SEC63: variants seen among roughly 807,000 people sequenced by gnomAD.
SEC63 encodes the protein translocation protein SEC63 homolog.
In SEC63, 56 loss-of-function variants were observed where a neutral mutation model predicts 116.2. The ratio of observed to expected loss-of-function variants is 0.48; its 90% confidence interval spans 0.39 to 0.60. The LOEUF (loss-of-function observed/expected upper bound fraction) is 0.60. SEC63 is among the 20% of genes least tolerant of loss of function. The probability of loss-of-function intolerance (pLI) is 0.00; values close to 1 mark genes in which losing one functional copy is unlikely to be tolerated. For synonymous variants in SEC63, 273 were observed against 294.6 expected (o/e 0.93, Z 0.75); for missense variants, 668 against 900.0 (o/e 0.74, Z 3.30).
intron 1 of SEC63, among the ~76,000 whole-genome samples, chr6:107,951,759 G>A (rs1013787101): frequency 3.3e-5 from 5 of 151,818 alleles, no homozygotes; most frequent in South Asian, 2.1e-4. Flanking sequence ...TGAGGCAGGC[G>A]GATCATGAGG....
At chr6:107,899,661 G>A (rs989380871) in intron 13 of SEC63, among the ~76,000 whole-genome samples, 1 of 151,862 alleles carries the variant, frequency 6.6e-6, no homozygotes, top group Non-Finnish European at 1.5e-5. Context: ...GGAGGTTGCA[G>A]TAAGCCCAGA....
intron 14 of SEC63, among the ~76,000 whole-genome samples, 158 bp downstream of exon 14, chr6:107,897,489 CTG>C (rs1026249063): frequency 1.3e-5 from 2 of 152,122 alleles, no homozygotes; most frequent in African/African-American, 4.8e-5. Flanking sequence ...TATGTGAAAA[CTG>C]TCTCATGAAA....
At chr6:107,902,550 A>G (rs1265034493) in intron 12 of SEC63, among the ~76,000 whole-genome samples, 1 of 152,148 alleles carries the variant, frequency 6.6e-6, no homozygotes, top group Non-Finnish European at 1.5e-5. Context: ...AAATGACTGT[A>G]AAGTAGACAG....
At chr6:107,933,766 GT>G (rs1787864088) in intron 1 of SEC63, among the ~76,000 whole-genome samples, 1 of 149,428 alleles carries the variant, frequency 6.7e-6, no homozygotes, top group African/African-American at 2.5e-5. Flanking sequence ...TCCCTCTGAT[GT>G]CTAGCCGAAG....
chr6:107,920,585 T>C (rs748951373), intron 4 of SEC63, among the ~76,000 whole-genome samples: 1 of 152,320 alleles, frequency 6.6e-6, no homozygotes, highest in Admixed American at 6.5e-5. Context: ...ACTGAACCTA[T>C]AGTATCTCCA....
chr6:107,899,377 T>C (rs1340084809), intron 13 of SEC63, among the ~76,000 whole-genome samples: 1 of 152,216 alleles, frequency 6.6e-6, no homozygotes, highest in Non-Finnish European at 1.5e-5. Flanking sequence ...CTTAAATTTC[T>C]ACTTTCTATA....
Position 107,904,700 on chromosome 6 carries a change from T to A in SEC63, c.983A>T (p.Lys328Met), listed in dbSNP as rs1452022998. Residue 328 changes from lysine (K) to methionine (M), a missense_variant, in exon 11 of 21, where the codon AAG becomes ATG. By Grantham distance (95) the Lys-to-Met change is moderately conservative. This residue lies in a region of SEC63 where 430 missense variants were observed against 557.5 expected (regional missense o/e 0.77). Coordinates refer to ENST00000369002, the MANE Select transcript of SEC63 (RefSeq NM_007214.5). ...CATTTCTTGAAGTAGGGCAGGACAC[T>A]TTTTTAGCATGAATTGCTGATCTGC... Reference protein sequence around the residue: ...LEEDQQFMLKKCPALLQEMVN... With the variant: ...LEEDQQFMLKMCPALLQEMVN... The A allele has an allele frequency of 3.7e-6, 6 of 1,612,494 alleles. No individual in the cohort carries two copies. Among genetic ancestry groups the A allele is most frequent in the Middle Eastern group, 3.3e-4 (2 of 6,076 alleles).
intron 8 of SEC63, 63 bp from the exon 9 acceptor site, chr6:107,906,840 A>C (rs1787159347): frequency 1.6e-6 from 2 of 1,234,474 alleles, no homozygotes; most frequent in Non-Finnish European, 2.4e-6. Flanking sequence ...CCCCCTCCTG[A>C]GATACTTAAT....
rs1369528489 is a variant in SEC63 at position 107,868,611 on chromosome 6, G to A, written c.*3093C>T. On this transcript the variant is annotated 3_prime_UTR_variant, in exon 21 of 21. Coordinates refer to ENST00000369002, the MANE Select transcript of SEC63 (RefSeq NM_007214.5). ...AGAAAAAGAGAAAGAGAGAAAAAAAGGCCAGCAAAATAAACAGCTAGCCCC... is the reference window on the plus strand; with the variant it reads ...AGAAAAAGAGAAAGAGAGAAAAAAAAGCCAGCAAAATAAACAGCTAGCCCC... The A allele has an allele frequency of 6.6e-6, 1 of 151,414 alleles. No individual in the cohort carries two copies. Among genetic ancestry groups the A allele is most frequent in the African/African-American group, 2.4e-5 (1 of 41,192 alleles). The allele number at this position is 151,414 out of a possible 1,614,324, so 9.4% of individuals were successfully genotyped here.
intron 14 of SEC63, among the ~76,000 whole-genome samples, chr6:107,894,623 A>G (rs759268849): frequency 6.6e-6 from 1 of 152,258 alleles, no homozygotes; most frequent in Non-Finnish European, 1.5e-5. Flanking sequence ...CCCAGTAAGC[A>G]TCTATACTAG....
rs1489161857 is a variant in SEC63, at chr6:107,906,428, G to A, written c.961+20C>T. ...GCTTTCATCCCACTAAACCTCTGTAGATACCGGAATCACAAATACCTTCTT... is the reference window on the plus strand; with the variant it reads ...GCTTTCATCCCACTAAACCTCTGTAAATACCGGAATCACAAATACCTTCTT... On this transcript the variant is annotated intron_variant, in intron 10 of 20. Transcript: ENST00000369002. 5 of 1,613,356 alleles carry A rather than the reference G, an allele frequency of 3.1e-6. No homozygotes were observed. In the Admixed American group the frequency reaches 5.0e-5, roughly 16 times the overall value.
At chr6:107,955,542 C>T (rs1366264276) in intron 1 of SEC63, among the ~76,000 whole-genome samples, 3 of 152,222 alleles carry the variant, frequency 2.0e-5, no homozygotes, top group Non-Finnish European at 4.4e-5. Context: ...TTCCCTCCAC[C>T]TAAACTACCA....
chr6:107,876,163 G>A (rs1294700384), intron 19 of SEC63, among the ~76,000 whole-genome samples: 5 of 152,098 alleles, frequency 3.3e-5, no homozygotes, highest in Non-Finnish European at 7.4e-5. Context: ...TGAATACCAC[G>A]TAATCAAAAA....
chr6:107,943,370 T>A (rs978708078), intron 1 of SEC63, among the ~76,000 whole-genome samples: 3 of 152,370 alleles, frequency 2.0e-5, no homozygotes, highest in African/African-American at 7.2e-5. Flanking sequence ...TAGCAAATGA[T>A]AAAGCTGACT....
Position 107,906,692 on chromosome 6 carries a change from T to C in SEC63, c.819A>G (p.Leu273=), listed in dbSNP as rs530983520. ...DATSRPTDNI[L]IPQLIREIGS... Reference sequence around the variant, plus strand: ...GGGAAATTAGCCTAACCTGTGGTATTAGAATATTATCCGTTGGTCTGCTTG... The same window carrying C: ...GGGAAATTAGCCTAACCTGTGGTATCAGAATATTATCCGTTGGTCTGCTTG... The change falls in exon 9 of 21, where the codon CTA becomes CTG. Residue 273 remains leucine (L), a synonymous_variant. Coordinates refer to ENST00000369002, the MANE Select transcript of SEC63 (RefSeq NM_007214.5). 5 of 1,613,570 alleles carry C rather than the reference T, an allele frequency of 3.1e-6. No homozygotes were observed. In the South Asian group the frequency reaches 4.4e-5, roughly 14 times the overall value.
chr6:107,877,078 T>TATATATATAC lies in SEC63; in HGVS notation c.1936-426_1936-417dup, dbSNP rs1173026701. ...ACATATATATATGTGTGTGTATATA[T>TATATATATAC]ATATATATACACATATATACATATA... On this transcript the variant is annotated intron_variant, in intron 18 of 20. Transcript: ENST00000369002. The TATATATATAC allele has an allele frequency of 9.3e-5, 17 of 182,706 alleles. No homozygotes were observed. The East Asian group carries it at 2.2e-3, about 24-fold the overall frequency. The allele number at this position is 182,706 out of a possible 1,614,324, so 11.3% of individuals were successfully genotyped here.
At chr6:107,910,147 G>A (rs562221935) in intron 7 of SEC63, among the ~76,000 whole-genome samples, 5 of 152,206 alleles carry the variant, frequency 3.3e-5, no homozygotes, top group African/African-American at 1.2e-4. Flanking sequence ...GGTAGTGCGG[G>A]AAGACTTTCA....
At chr6:107,877,699 C>T (rs774400845) in intron 18 of SEC63, among the ~76,000 whole-genome samples, 20 of 152,272 alleles carry the variant, frequency 1.3e-4, no homozygotes, top group African/African-American at 4.8e-4. Flanking sequence ...ATTTAGGCCT[C>T]CCAAAGTGCT....
chr6:107,936,028 C>T (rs1309896021), intron 1 of SEC63, among the ~76,000 whole-genome samples: 1 of 152,116 alleles, frequency 6.6e-6, no homozygotes, highest in East Asian at 1.9e-4. Context: ...TCTACAGTAT[C>T]CCACTTTCAA....
Sources: gnomAD v4.1 joint callset for allele counts (sites outside exome capture counted in the v4.1 genomes callset) on GRCh38, gnomAD v4.1.1 for gene constraint, gnomAD v4.1.1 regional missense constraint, MANE v1.5 for transcripts, NCBI Gene and HGNC (gene_info 2026-07-23, HGNC 2026-07-21) for gene names.